The following KCNN2 variants were observed in gnomAD, a reference collection of about 807,000 sequenced individuals.
The protein encoded by KCNN2 is small conductance calcium-activated potassium channel protein 2.
Under a neutral mutation model 55.5 loss-of-function variants are expected in KCNN2, and 24 were observed. That is an observed-to-expected ratio of 0.43 (90% CI 0.31 to 0.61). The LOEUF (loss-of-function observed/expected upper bound fraction) is 0.61. KCNN2 is among the 20% of genes least tolerant of loss of function. The probability of loss-of-function intolerance (pLI) is 0.08; values close to 1 mark genes in which losing one functional copy is unlikely to be tolerated. For synonymous variants in KCNN2, 431 were observed against 336.1 expected (o/e 1.28, Z -3.09); for missense variants, 754 against 853.6 (o/e 0.88, Z 1.45).
intron 3 of KCNN2, among the ~76,000 whole-genome samples, chr5:114,424,989 A>G (rs961059531): frequency 2.0e-5 from 3 of 152,230 alleles, no homozygotes; most frequent in African/African-American, 4.8e-5. Flanking sequence ...ATGGGGGAAG[A>G]AGAAAGGACA....
chr5:114,245,554 C>T (rs1754733608), intron 2 of KCNN2, among the ~76,000 whole-genome samples: 1 of 152,182 alleles, frequency 6.6e-6, no homozygotes, highest in Non-Finnish European at 1.5e-5. Context: ...ACTGCAGCCA[C>T]ACTATAGCTG....
chr5:114,075,455 A>G (rs1387960936), intron 1 of KCNN2, among the ~76,000 whole-genome samples: 1 of 152,208 alleles, frequency 6.6e-6, no homozygotes, highest in Non-Finnish European at 1.5e-5. Context: ...TTCATTTCTC[A>G]TTGAAATTTT....
chr5:114,487,414 T>C (rs766970425), intron 6 of KCNN2, among the ~76,000 whole-genome samples: 13 of 152,192 alleles, frequency 8.5e-5, no homozygotes, highest in Non-Finnish European at 1.8e-4. Flanking sequence ...TCTTCTCAGT[T>C]TCTTTTTAGA....
chr5:114,126,036 T>G (rs564084228), intron 1 of KCNN2, among the ~76,000 whole-genome samples: 90 of 152,270 alleles, frequency 5.9e-4, no homozygotes, highest in African/African-American at 2.1e-3. Flanking sequence ...TTGGCATTCC[T>G]TGGGTTATAC....
intron 2 of KCNN2, among the ~76,000 whole-genome samples, chr5:114,403,081 T>C (rs1003741911): frequency 3.9e-5 from 6 of 152,212 alleles, no homozygotes; most frequent in African/African-American, 1.4e-4. Context: ...ACATTGAGAC[T>C]TGACATTTCT....
intron 1 of KCNN2, among the ~76,000 whole-genome samples, chr5:114,200,821 A>G (rs1007006195): frequency 6.6e-6 from 1 of 152,124 alleles, no homozygotes; most frequent in African/African-American, 2.4e-5. Flanking sequence ...GGTGGTTTAG[A>G]AAATGGTTAT....
At chr5:114,077,464 G>T (rs1044238101) in intron 1 of KCNN2, among the ~76,000 whole-genome samples, 11 of 152,130 alleles carry the variant, frequency 7.2e-5, no homozygotes, top group Admixed American at 7.2e-4. Context: ...ACAGGATATG[G>T]GACACCTGAC....
chr5:114,082,224 T>C (rs143822866), intron 1 of KCNN2, among the ~76,000 whole-genome samples: 71 of 151,718 alleles, frequency 4.7e-4, no homozygotes, highest in African/African-American at 1.7e-3. Context: ...ACTCAGAGGC[T>C]GAAATTGGAG....
chr5:114,209,637 A>T (rs4132705), intron 1 of KCNN2, among the ~76,000 whole-genome samples: 65,798 of 151,856 alleles, frequency 0.43, 15,044 homozygotes, highest in Middle Eastern at 0.56. Context: ...GTTTATAAAA[A>T]GTCTTGACAT....
intron 1 of KCNN2, among the ~76,000 whole-genome samples, chr5:114,150,973 A>G (rs544020218): frequency 3.4e-4 from 52 of 152,276 alleles, no homozygotes; most frequent in African/African-American, 1.2e-3. Flanking sequence ...GTGAGCTGAG[A>G]TGGCGCCATT....
intron 2 of KCNN2, among the ~76,000 whole-genome samples, chr5:114,389,047 A>C (rs538929059): frequency 6.6e-6 from 1 of 151,530 alleles, no homozygotes; most frequent in Non-Finnish European, 1.5e-5. Context: ...ATGAGTTAAG[A>C]CTGTTGGATT....
chr5:114,330,613 T>C (rs1049441334), intron 2 of KCNN2, among the ~76,000 whole-genome samples: 1 of 85,678 alleles, frequency 1.2e-5, no homozygotes, highest in Non-Finnish European at 2.5e-5. Flanking sequence ...GTTATGCTTC[T>C]CATACCTCCA....
intron 2 of KCNN2, among the ~76,000 whole-genome samples, chr5:114,295,425 C>G (rs1046214692): frequency 7.9e-5 from 12 of 152,188 alleles, no homozygotes; most frequent in African/African-American, 2.4e-4. Flanking sequence ...CCCCCAGCCT[C>G]GCTGCCACCT....
At chr5:114,217,068 T>G (rs566087046) in intron 1 of KCNN2, among the ~76,000 whole-genome samples, 1 of 152,148 alleles carries the variant, frequency 6.6e-6, no homozygotes, top group South Asian at 2.1e-4. Flanking sequence ...GTATAAGACT[T>G]GTATGAGGAA....
chr5:114,320,725 C>T (rs191550340), intron 2 of KCNN2, among the ~76,000 whole-genome samples: 1 of 152,242 alleles, frequency 6.6e-6, no homozygotes, highest in Admixed American at 6.5e-5. Flanking sequence ...ATGGTTTGTT[C>T]CTCTCCATCC....
At chr5:114,200,008 G>A (rs772156846) in intron 1 of KCNN2, among the ~76,000 whole-genome samples, 2 of 152,084 alleles carry the variant, frequency 1.3e-5, no homozygotes, top group Non-Finnish European at 2.9e-5. Context: ...TTTTTACAAT[G>A]TGTTTGTCTG....
intron 3 of KCNN2, among the ~76,000 whole-genome samples, chr5:114,428,822 A>G (rs1759703875): frequency 1.3e-5 from 2 of 152,092 alleles, no homozygotes; most frequent in South Asian, 4.1e-4. Flanking sequence ...GAATTCATAG[A>G]GTATGTACCC....
intron 4 of KCNN2, 33 bp from the exon 5 acceptor site, chr5:114,473,021 T>C: frequency 9.8e-6 from 13 of 1,322,192 alleles, no homozygotes; most frequent in Non-Finnish European, 1.4e-5. Flanking sequence ...TAGTTAGTAA[T>C]GCTTTGGGTT....
At chr5:114,467,207 C>T (rs142137752) in intron 4 of KCNN2, among the ~76,000 whole-genome samples, 1 of 152,074 alleles carries the variant, frequency 6.6e-6, no homozygotes, top group Non-Finnish European at 1.5e-5. Context: ...CAAAACAGCA[C>T]GAATTAGCTA....
Sources: allele counts gnomAD v4.1 joint callset (sites outside exome capture counted in the v4.1 genomes callset), GRCh38; gene constraint gnomAD v4.1.1; transcripts MANE v1.5; gene names NCBI Gene and HGNC (gene_info 2026-07-23, HGNC 2026-07-21).